TBC1D1: variants seen among roughly 807,000 people sequenced by gnomAD.
The protein encoded by TBC1D1 is TBC1 domain family member 1.
TBC1D1 carries 89 observed loss-of-function variants against 125.6 expected under a neutral mutation model. The ratio of observed to expected loss-of-function variants is 0.71; its 90% confidence interval spans 0.60 to 0.85. The LOEUF is 0.85. TBC1D1 is among the 40% of genes least tolerant of loss of function. TBC1D1 has a pLI of 0.00. For synonymous variants in TBC1D1, 565 were observed against 564.1 expected (o/e 1.00, Z -0.02); for missense variants, 1,377 against 1,469.2 (o/e 0.94, Z 1.03).
At chr4:38,055,239 G>C (rs369112491) in intron 12 of TBC1D1, among the ~76,000 whole-genome samples, 1 of 152,164 alleles carries the variant, frequency 6.6e-6, no homozygotes, top group Non-Finnish European at 1.5e-5. Flanking sequence ...TATCTGGAAA[G>C]GGCCCTCTCC....
At chr4:37,982,932 A>G (rs1734648716) in intron 2 of TBC1D1, among the ~76,000 whole-genome samples, 1 of 152,160 alleles carries the variant, frequency 6.6e-6, no homozygotes. Context: ...AGAGTAGCGT[A>G]TGCTAAGGCC....
At chr4:37,976,831 T>C (rs150523733) in intron 2 of TBC1D1, among the ~76,000 whole-genome samples, 105 of 152,340 alleles carry the variant, frequency 6.9e-4, no homozygotes, top group African/African-American at 2.4e-3. Context: ...ATGGTTCTTT[T>C]TCCTCTGCCC....
chr4:38,071,821 C>A (rs1578547935), intron 12 of TBC1D1, among the ~76,000 whole-genome samples: 1 of 152,208 alleles, frequency 6.6e-6, no homozygotes, highest in Non-Finnish European at 1.5e-5. Flanking sequence ...TATTTGGAGC[C>A]TTTTATGTTA....
chr4:37,981,889 G>A (rs1374948988), intron 2 of TBC1D1, among the ~76,000 whole-genome samples: 4 of 152,178 alleles, frequency 2.6e-5, no homozygotes, highest in Non-Finnish European at 5.9e-5. Flanking sequence ...TCGGATAGGA[G>A]GTGATAGTGG....
At chr4:38,000,098 C>T (rs528689903) in intron 2 of TBC1D1, among the ~76,000 whole-genome samples, 4 of 152,202 alleles carry the variant, frequency 2.6e-5, no homozygotes, top group East Asian at 1.9e-4. Flanking sequence ...TAGCGTCTGG[C>T]GAGGCTTTCT....
At chr4:38,047,267 C>T (rs1389905296) in intron 10 of TBC1D1, among the ~76,000 whole-genome samples, 1 of 152,168 alleles carries the variant, frequency 6.6e-6, no homozygotes, top group Non-Finnish European at 1.5e-5. Context: ...CGGGTTCAGG[C>T]CATTCTCTTG....
chr4:37,911,382 C>T (rs1413360434), intron 2 of TBC1D1, among the ~76,000 whole-genome samples: 1 of 152,158 alleles, frequency 6.6e-6, no homozygotes, highest in Non-Finnish European at 1.5e-5. Flanking sequence ...AGCTTCAACC[C>T]ACAACCACAG....
rs762725678 is a variant in TBC1D1 at position 38,125,150 on chromosome 4, C to A, written c.3132+19C>A. Reference sequence around the variant, plus strand: ...CAATCAGGTATGAGTCAGTCCAAACCTTGCAAATGCTTAAGCCATCCTAGA... The same window carrying A: ...CAATCAGGTATGAGTCAGTCCAAACATTGCAAATGCTTAAGCCATCCTAGA... On this transcript the variant is annotated intron_variant, in intron 18 of 19. Coordinates refer to ENST00000261439, the MANE Select transcript of TBC1D1 (RefSeq NM_015173.4). 13 of 1,611,156 alleles carry A rather than the reference C, an allele frequency of 8.1e-6. No homozygotes were observed. Among genetic ancestry groups the A allele is most frequent in the Non-Finnish European group, 1.1e-5 (13 of 1,178,128 alleles).
intron 17 of TBC1D1, among the ~76,000 whole-genome samples, chr4:38,119,278 TAA>T (rs1368239325): frequency 4.6e-5 from 7 of 152,086 alleles, no homozygotes; most frequent in African/African-American, 1.7e-4. Flanking sequence ...CTTTTTAATA[TAA>T]GTGAGCATTT....
At chr4:37,963,428 G>A (rs568857354) in intron 2 of TBC1D1, among the ~76,000 whole-genome samples, 40 of 152,226 alleles carry the variant, frequency 2.6e-4, no homozygotes, top group African/African-American at 8.2e-4. Flanking sequence ...CCAGGTGGGC[G>A]GACCACTGGA....
chr4:38,013,063 G>T (rs1230967339), intron 2 of TBC1D1, among the ~76,000 whole-genome samples: 1 of 152,156 alleles, frequency 6.6e-6, no homozygotes, highest in Non-Finnish European at 1.5e-5. Context: ...AAAGTGCTGG[G>T]ATTACAGGCA....
chr4:37,961,042 T>A, intron 2 of TBC1D1: 1 of 1,611,308 alleles, frequency 6.2e-7, no homozygotes, highest in Non-Finnish European at 8.5e-7. Context: ...CATAGATATT[T>A]AAATTTCTTA....
intron 2 of TBC1D1, among the ~76,000 whole-genome samples, chr4:37,978,122 C>T (rs1733620414): frequency 6.6e-6 from 1 of 152,204 alleles, no homozygotes. Flanking sequence ...AACATCAGCG[C>T]CTTCGAGATA....
In TBC1D1 at chr4:38,077,333, C is replaced by A. The variant is rs182699418; in HGVS notation, c.2051-12599C>A. ...AGAGAGAAGAAAGGATGGGGAAATG[C>A]TGCGTCTACTAAGTTCAAGGTTCTG... On this transcript the variant is annotated intron_variant, in intron 12 of 19. Transcript: ENST00000261439. 1.3e-3 allele frequency among the ~76,000 whole-genome samples: 197 copies of A among 152,330 alleles called. 6 individuals carry two copies. In the East Asian group the frequency reaches 0.032, roughly 25 times the overall value.
intron 11 of TBC1D1, among the ~76,000 whole-genome samples, chr4:38,052,765 G>GA (rs1750998235): frequency 1.1e-5 from 1 of 88,700 alleles, no homozygotes; most frequent in Non-Finnish European, 2.5e-5. Flanking sequence ...CACACACACA[G>GA]GATAACATCT....
At chr4:38,081,739 G>C (rs1395292659) in intron 12 of TBC1D1, among the ~76,000 whole-genome samples, 1 of 152,144 alleles carries the variant, frequency 6.6e-6, no homozygotes, top group Non-Finnish European at 1.5e-5. Context: ...TGTGGGGGGT[G>C]GATGCTATTA....
At chr4:38,082,251 G>A (rs888991454) in intron 12 of TBC1D1, among the ~76,000 whole-genome samples, 1 of 152,176 alleles carries the variant, frequency 6.6e-6, no homozygotes, top group African/African-American at 2.4e-5. Context: ...TGACGTGGCT[G>A]CTGGTGGGAA....
At chr4:38,023,820 C>T (rs772119241) in intron 6 of TBC1D1, among the ~76,000 whole-genome samples, 8 of 152,122 alleles carry the variant, frequency 5.3e-5, no homozygotes, top group Non-Finnish European at 1.0e-4. Flanking sequence ...TCAATTCTTT[C>T]GGTTATATAT....
At chr4:38,062,008 A>G (rs1331267268) in intron 12 of TBC1D1, among the ~76,000 whole-genome samples, 4 of 152,156 alleles carry the variant, frequency 2.6e-5, no homozygotes, top group Admixed American at 1.3e-4. Flanking sequence ...CACCAAAAGC[A>G]CCTGGGGAGA....
Sources: gnomAD v4.1 joint callset for allele counts (sites outside exome capture counted in the v4.1 genomes callset) on GRCh38, gnomAD v4.1.1 for gene constraint, MANE v1.5 for transcripts, NCBI Gene and HGNC (gene_info 2026-07-23, HGNC 2026-07-21) for gene names.